The following TRPM7 variants were observed in gnomAD, a reference collection of about 807,000 sequenced individuals.
TRPM7 encodes the protein transient receptor potential cation channel subfamily M member 7.
Under a neutral mutation model 229.7 loss-of-function variants are expected in TRPM7, and 134 were observed. The observed-to-expected ratio is 0.58, with a 90% CI of 0.51 to 0.67. The LOEUF is 0.67. TRPM7 is among the 30% of genes least tolerant of loss of function. TRPM7 has a pLI of 0.00. For synonymous variants in TRPM7, 699 were observed against 715.2 expected, an observed-to-expected ratio of 0.98 and a Z score of 0.36; for missense variants, 1,901 against 2,210.0, an observed-to-expected ratio of 0.86 and a Z score of 2.80.
Position 50,610,038 on chromosome 15 carries a change from A to C in TRPM7, c.2281-77T>G, listed in dbSNP as rs568404660. ...ATATAATAAAAACAAAACAAAGAAT[A>C]AAAACAATAAAAGATTTTAAATATC... On this transcript the variant is annotated intron_variant, in intron 17 of 38. Transcript: ENST00000646667. 1.1e-4 allele frequency: 121 copies of C among 1,094,014 alleles called. No homozygotes were observed. The East Asian group carries it at 3.2e-3, about 29-fold the overall frequency. 67.8% of individuals were successfully genotyped at this position (1,094,014 alleles called of 1,614,324 possible).
chr15:50,686,562 C>G lies in TRPM7; in HGVS notation c.-29G>C, dbSNP rs1370094815. On this transcript the variant is annotated 5_prime_UTR_variant, in exon 1 of 39. Transcript: ENST00000646667. ...CCTCACGGGGCGGACTCCGGAAGGG[C>G]AGCAACTCCACCTCCTCCTCCTCCG... 2.5e-6 allele frequency: 4 copies of G among 1,609,444 alleles called. No individual in the cohort carries two copies. The highest frequency in any genetic ancestry group is 1.7e-6 in the Non-Finnish European group (2 of 1,177,472).
intron 19 of TRPM7, among the ~76,000 whole-genome samples, chr15:50,607,593 CA>C (rs2059951178): frequency 6.6e-6 from 1 of 152,132 alleles, no homozygotes; most frequent in Non-Finnish European, 1.5e-5. Context: ...AGGGATTTTA[CA>C]ATCAGGTTTA....
chr15:50,620,216 C>T (rs558656369), intron 12 of TRPM7, among the ~76,000 whole-genome samples: 5 of 152,242 alleles, frequency 3.3e-5, no homozygotes, highest in South Asian at 2.1e-4. Context: ...CTGTAACCCA[C>T]GGGCTGCATG....
intron 20 of TRPM7, 139 bp from the exon 21 acceptor site, chr15:50,605,283 C>T (rs1189170589): frequency 2.6e-6 from 2 of 778,748 alleles, no homozygotes; most frequent in Non-Finnish European, 3.9e-6. Flanking sequence ...CAGAGTCTCG[C>T]TCTATTGCCC....
chr15:50,664,192 G>A lies in TRPM7; in HGVS notation c.4-1146C>T, dbSNP rs193158193. 4.4e-3 allele frequency among the ~76,000 whole-genome samples: 670 copies of A among 151,750 alleles called. 6 individuals carry two copies. Among genetic ancestry groups the A allele is most frequent in the African/African-American group, 0.015 (612 of 41,336 alleles). On this transcript the variant is annotated intron_variant, in intron 1 of 38. Transcript: ENST00000646667. ...GTGTGCCTGTAATCCCAGCTACTCC[G>A]GAGGCTGAGGCAGGAGAATCGCTTG...
At chr15:50,580,945 T>C in intron 29 of TRPM7, 37 bp from the exon 30 acceptor site, 1 of 1,558,820 alleles carries the variant, frequency 6.4e-7, no homozygotes, top group Non-Finnish European at 8.6e-7. Flanking sequence ...ACAAAAACCT[T>C]AAAGACAAAA....
chr15:50,664,954 G>A (rs547330598), intron 1 of TRPM7, among the ~76,000 whole-genome samples: 5 of 152,218 alleles, frequency 3.3e-5, no homozygotes, highest in African/African-American at 1.2e-4. Context: ...GACAGAGCAA[G>A]ACCCTGTCTT....
intron 17 of TRPM7, 29 bp downstream of exon 17, chr15:50,611,064 C>G: frequency 6.5e-7 from 1 of 1,532,864 alleles, no homozygotes; most frequent in South Asian, 1.1e-5. Flanking sequence ...TAATCACATG[C>G]TTTATATCAA....
intron 1 of TRPM7, among the ~76,000 whole-genome samples, chr15:50,676,000 C>G (rs1342824397): frequency 6.6e-6 from 1 of 152,166 alleles, no homozygotes; most frequent in Non-Finnish European, 1.5e-5. Flanking sequence ...ACAGTACTTA[C>G]TCACAATGTT....
rs752999122 is a variant in TRPM7 at position 50,580,890 on chromosome 15, G to T, written c.4576C>A (p.Pro1526Thr). ...ALIPDWLQDR[P>T]SNREMPSEEG... ...CTTACTTACATTTCTCTGTTTGATG[G>T]TCTATCTTGTAACCAATCCTTCAGT... Residue 1526 changes from proline to threonine, a missense_variant, in exon 30 of 39, where the codon CCA becomes ACA. Coordinates refer to ENST00000646667, the MANE Select transcript of TRPM7 (RefSeq NM_017672.6). The T allele has an allele frequency of 1.3e-6, 2 of 1,584,976 alleles. No homozygotes were observed. The highest frequency in any genetic ancestry group is 8.5e-7 in the Non-Finnish European group (1 of 1,170,818).
At position 50,612,821 on chromosome 15, in the gene TRPM7, T is replaced by C. The variant is rs747194126; in HGVS notation, c.1779A>G (p.Thr593=). Residue 593 remains threonine, a synonymous_variant, in exon 16 of 39, where the codon ACA becomes ACG. Coordinates refer to ENST00000646667, the MANE Select transcript of TRPM7 (RefSeq NM_017672.6). ...TTTTCTTCTTTCCTTCTTCCATAAC[T>C]GTATCAATCTTCCAGGGAAAATAAA... The part of the protein sequence containing the change: ...TAQPYRPKID[T]VMEEGKKKRT... 1 of 1,609,288 alleles carries C rather than the reference T, an allele frequency of 6.2e-7. No homozygotes were observed. The highest frequency in any genetic ancestry group is 8.5e-7 in the Non-Finnish European group (1 of 1,178,608).
At chr15:50,622,557 C>A (rs1347118441) in intron 12 of TRPM7, among the ~76,000 whole-genome samples, 1 of 152,150 alleles carries the variant, frequency 6.6e-6, no homozygotes, top group African/African-American at 2.4e-5. Context: ...AAAATGCCAA[C>A]AAAGTTCAAC....
At chr15:50,639,207 T>C (rs772286197) in intron 6 of TRPM7, among the ~76,000 whole-genome samples, 1 of 152,188 alleles carries the variant, frequency 6.6e-6, no homozygotes, top group Non-Finnish European at 1.5e-5. Flanking sequence ...GCCAACACTG[T>C]AACAGCATTT....
At chr15:50,635,612 G>C (rs1297430541) in intron 7 of TRPM7, among the ~76,000 whole-genome samples, 1 of 137,746 alleles carries the variant, frequency 7.3e-6, no homozygotes, top group Non-Finnish European at 1.5e-5. Context: ...GCAGTGAGCT[G>C]AGATCGTGCC....
chr15:50,580,358 C>A (rs1464134010), intron 30 of TRPM7, among the ~76,000 whole-genome samples: 1 of 152,166 alleles, frequency 6.6e-6, no homozygotes, highest in South Asian at 2.1e-4. Context: ...AATAACCTGT[C>A]AGATTGCCTA....
chr15:50,606,047 C>G (rs1657235622), intron 20 of TRPM7, among the ~76,000 whole-genome samples: 1 of 152,128 alleles, frequency 6.6e-6, no homozygotes, highest in South Asian at 2.1e-4. Flanking sequence ...AAGGTAGAGA[C>G]ATGAAATAAT....
At chr15:50,671,162 C>T (rs1325142239) in intron 1 of TRPM7, among the ~76,000 whole-genome samples, 1 of 152,044 alleles carries the variant, frequency 6.6e-6, no homozygotes, top group African/African-American at 2.4e-5. Context: ...ATTATTCTTC[C>T]TAACTGAAAT....
intron 17 of TRPM7, among the ~76,000 whole-genome samples, chr15:50,610,232 G>C (rs59867436): frequency 2.0e-5 from 3 of 151,912 alleles, no homozygotes; most frequent in African/African-American, 4.8e-5. Context: ...AATTATTATA[G>C]ACTTGTCCTT....
chr15:50,605,852 T>A (rs999482459), intron 20 of TRPM7, among the ~76,000 whole-genome samples: 6 of 151,952 alleles, frequency 3.9e-5, no homozygotes, highest in African/African-American at 1.5e-4. Context: ...ACAGATTTAA[T>A]AAACATATGG....
Sources: gnomAD v4.1 joint callset for allele counts (sites outside exome capture counted in the v4.1 genomes callset) on GRCh38, gnomAD v4.1.1 for gene constraint, MANE v1.5 for transcripts, NCBI Gene and HGNC (gene_info 2026-07-23, HGNC 2026-07-21) for gene names.